Variants in THSD7A observed in about 807,000 individuals in gnomAD.
THSD7A encodes thrombospondin type 1 domain containing 7A.
A neutral mutation model predicts 231.3 loss-of-function variants in THSD7A; 96 were observed. The observed-to-expected ratio is 0.41, with a 90% confidence interval of 0.35 to 0.49. The LOEUF (loss-of-function observed/expected upper bound fraction) is 0.49. Among genes scored for constraint, THSD7A ranks in the 20% least tolerant of loss-of-function variants. The pLI is 0.05. For missense variants in THSD7A, 2,290 were observed against 2,070.2 expected (o/e 1.11, Z -2.06); for synonymous variants, 940 against 743.3 (o/e 1.26, Z -4.30).
intron 9 of THSD7A, among the ~76,000 whole-genome samples, chr7:11,466,081 T>G (rs1785693519): frequency 6.6e-6 from 1 of 152,150 alleles, no homozygotes; most frequent in South Asian, 2.1e-4. Context: ...ATCCTACTAT[T>G]CTGTTTTATT....
At chr7:11,602,808 A>C (rs909425170) in intron 2 of THSD7A, among the ~76,000 whole-genome samples, 3 of 151,760 alleles carry the variant, frequency 2.0e-5, no homozygotes, top group Non-Finnish European at 4.4e-5. Context: ...GTGAGGTGGG[A>C]AAATGAATTA....
intron 1 of THSD7A, among the ~76,000 whole-genome samples, chr7:11,694,191 T>C (rs941034): frequency 0.16 from 23,509 of 151,438 alleles, 1,949 homozygotes; most frequent in Admixed American, 0.2. Context: ...AGTTTATCAG[T>C]GATTTCATTT....
At chr7:11,477,212 G>C (rs1786228503) in intron 7 of THSD7A, among the ~76,000 whole-genome samples, 1 of 152,060 alleles carries the variant, frequency 6.6e-6, no homozygotes, top group Non-Finnish European at 1.5e-5. Flanking sequence ...CTTAAATCTT[G>C]AACAGTTTTT....
At chr7:11,694,248 T>C (rs1440372127) in intron 1 of THSD7A, among the ~76,000 whole-genome samples, 3 of 151,640 alleles carry the variant, frequency 2.0e-5, no homozygotes, top group African/African-American at 7.2e-5. Context: ...TTTCAAATAA[T>C]TGGTGTTTGC....
chr7:11,424,934 TC>T (rs1784270063), intron 15 of THSD7A, 105 bp from the exon 16 acceptor site: 2 of 1,357,856 alleles, frequency 1.5e-6, no homozygotes, highest in Non-Finnish European at 2.0e-6. Context: ...CTACTTTCAC[TC>T]CCCTCCTTTA....
intron 6 of THSD7A, 142 bp from the exon 7 acceptor site, chr7:11,482,124 T>A: frequency 1.2e-6 from 1 of 817,016 alleles, no homozygotes; most frequent in East Asian, 2.7e-5. Flanking sequence ...AGGGATTGCC[T>A]ACTATAGCCA....
At chr7:11,791,648 T>C (rs555179434) in intron 1 of THSD7A, among the ~76,000 whole-genome samples, 1 of 152,086 alleles carries the variant, frequency 6.6e-6, no homozygotes, top group South Asian at 2.1e-4. Flanking sequence ...AGAATTTCCT[T>C]AGACGAAAAG....
At chr7:11,791,321 A>C (rs904999893) in intron 1 of THSD7A, among the ~76,000 whole-genome samples, 1 of 151,994 alleles carries the variant, frequency 6.6e-6, no homozygotes, top group Admixed American at 6.6e-5. Context: ...GGCATTTGCT[A>C]TCTCCTATTA....
intron 6 of THSD7A, among the ~76,000 whole-genome samples, chr7:11,518,863 G>A (rs1265692892): frequency 6.6e-6 from 1 of 152,044 alleles, no homozygotes; most frequent in Non-Finnish European, 1.5e-5. Flanking sequence ...TAAGAACAGA[G>A]GATCATATAG....
intron 1 of THSD7A, chr7:11,820,869 C>A (rs1465459781): frequency 3.3e-6 from 3 of 919,038 alleles, no homozygotes; most frequent in African/African-American, 3.3e-5. Context: ...CTCAGCTGAC[C>A]TTTCCCTCGA....
At chr7:11,437,105 A>G (rs574376877) in intron 13 of THSD7A, among the ~76,000 whole-genome samples, 6 of 152,220 alleles carry the variant, frequency 3.9e-5, no homozygotes, top group African/African-American at 1.4e-4. Context: ...AGGACACAGG[A>G]TCTATTGGAG....
intron 6 of THSD7A, among the ~76,000 whole-genome samples, chr7:11,491,880 T>C (rs1323567742): frequency 6.6e-6 from 1 of 152,104 alleles, no homozygotes; most frequent in African/African-American, 2.4e-5. Flanking sequence ...AACGCTCTTT[T>C]TGGGTGAGCC....
intron 4 of THSD7A, among the ~76,000 whole-genome samples, chr7:11,580,807 G>A (rs1400885660): frequency 6.6e-6 from 1 of 152,070 alleles, no homozygotes. Flanking sequence ...ATATCTGGGT[G>A]ATGAAACAAT....
intron 4 of THSD7A, among the ~76,000 whole-genome samples, chr7:11,585,032 ACCTAC>A (rs1291741841): frequency 3.3e-5 from 5 of 152,164 alleles, no homozygotes; most frequent in African/African-American, 1.2e-4. Context: ...TTTATTAAAA[ACCTAC>A]CAAGTCAAAG....
chr7:11,745,692 T>A (rs2128162788), intron 1 of THSD7A, among the ~76,000 whole-genome samples: 1 of 152,250 alleles, frequency 6.6e-6, no homozygotes, highest in East Asian at 1.9e-4. Context: ...CACCATTTAT[T>A]AAATAGGGAA....
intron 1 of THSD7A, among the ~76,000 whole-genome samples, chr7:11,657,569 A>T (rs75754007): frequency 0.16 from 24,944 of 151,766 alleles, 2,143 homozygotes; most frequent in Non-Finnish European, 0.21. Flanking sequence ...TACACTCTTA[A>T]GTTATGTAGG....
intron 6 of THSD7A, among the ~76,000 whole-genome samples, chr7:11,484,943 C>T (rs555472604): frequency 1.3e-3 from 168 of 128,450 alleles, no homozygotes; most frequent in African/African-American, 4.8e-3. Flanking sequence ...CAGGCTGCAA[C>T]GCAGTGGTGA....
chr7:11,451,740 T>C (rs1246091190), intron 11 of THSD7A, among the ~76,000 whole-genome samples: 2 of 152,072 alleles, frequency 1.3e-5, no homozygotes, highest in Non-Finnish European at 2.9e-5. Context: ...ATCTGTGTTA[T>C]GCATACATGG....
At chr7:11,423,714 G>T (rs1193448462) in intron 16 of THSD7A, among the ~76,000 whole-genome samples, 14 of 152,032 alleles carry the variant, frequency 9.2e-5, no homozygotes, top group Admixed American at 9.2e-4. Flanking sequence ...AAAGAGTGAT[G>T]GGAGACTTGG....
Sources: allele counts gnomAD v4.1 joint callset (sites outside exome capture counted in the v4.1 genomes callset), GRCh38; gene constraint gnomAD v4.1.1; transcripts MANE v1.5; gene names NCBI Gene and HGNC (gene_info 2026-07-23, HGNC 2026-07-21).